The following CACNA2D1 variants were observed in gnomAD, a reference collection of about 807,000 sequenced individuals.
CACNA2D1 encodes the protein calcium voltage-gated channel auxiliary subunit alpha2delta 1.
A neutral mutation model predicts 171.5 loss-of-function variants in CACNA2D1; 53 were observed. The observed-to-expected ratio is 0.31, with a 90% CI of 0.25 to 0.39. CACNA2D1 has a LOEUF of 0.39. Ranked by LOEUF, CACNA2D1 falls within the 10% of genes least tolerant of loss-of-function variation. The probability of loss-of-function intolerance (pLI) is 1.00; values close to 1 mark genes in which losing one functional copy is unlikely to be tolerated. For missense variants in CACNA2D1, 903 were observed against 1,299.8 expected (o/e 0.69, Z 4.69); for synonymous variants, 442 against 443.1 (o/e 1.00, Z 0.03).
intron 2 of CACNA2D1, among the ~76,000 whole-genome samples, chr7:82,335,939 T>C (rs1817938118): frequency 6.6e-6 from 1 of 152,094 alleles, no homozygotes; most frequent in Non-Finnish European, 1.5e-5. Flanking sequence ...TATGGAAGGA[T>C]TTCCCCAGAG....
chr7:82,040,471 A>AAC (rs1491082108), intron 10 of CACNA2D1, among the ~76,000 whole-genome samples: 8 of 132,006 alleles, frequency 6.1e-5, no homozygotes, highest in African/African-American at 2.2e-4. Context: ...AAAAAAAAAA[A>AAC]CAGAAGGCTT....
intron 1 of CACNA2D1, among the ~76,000 whole-genome samples, chr7:82,406,914 A>G (rs998675216): frequency 4.6e-5 from 7 of 152,228 alleles, no homozygotes; most frequent in African/African-American, 1.7e-4. Context: ...CAAAAAATAA[A>G]TATTCAATAA....
intron 24 of CACNA2D1, among the ~76,000 whole-genome samples, chr7:81,981,934 C>G (rs1261976561): frequency 6.6e-6 from 1 of 152,076 alleles, no homozygotes; most frequent in Non-Finnish European, 1.5e-5. Flanking sequence ...TATGTTCATT[C>G]TACCCCTACG....
intron 1 of CACNA2D1, among the ~76,000 whole-genome samples, chr7:82,378,525 T>A (rs1823281638): frequency 6.6e-6 from 1 of 152,220 alleles, no homozygotes; most frequent in South Asian, 2.1e-4. Context: ...TATTTTGTTA[T>A]TGTTTTTTAA....
At chr7:82,112,158 T>C (rs1431321993) in intron 6 of CACNA2D1, among the ~76,000 whole-genome samples, 1 of 152,196 alleles carries the variant, frequency 6.6e-6, no homozygotes, top group Non-Finnish European at 1.5e-5. Flanking sequence ...CTAAGTAATC[T>C]ACCCTACACA....
intron 3 of CACNA2D1, among the ~76,000 whole-genome samples, chr7:82,190,871 A>G (rs1375308406): frequency 6.6e-6 from 1 of 151,744 alleles, no homozygotes; most frequent in African/African-American, 2.4e-5. Flanking sequence ...TGAAAAGTCA[A>G]CAGGAGCCAT....
At chr7:82,330,495 C>G (rs1817181735) in intron 3 of CACNA2D1, among the ~76,000 whole-genome samples, 1 of 151,960 alleles carries the variant, frequency 6.6e-6, no homozygotes, top group African/African-American at 2.4e-5. Context: ...AGAAAACAAC[C>G]AGCTACATTT....
At chr7:81,954,252 T>C (rs1792946139) in intron 38 of CACNA2D1, among the ~76,000 whole-genome samples, 1 of 152,012 alleles carries the variant, frequency 6.6e-6, no homozygotes, top group South Asian at 2.1e-4. Context: ...AAATAACAGA[T>C]TGGTACTTTC....
intron 5 of CACNA2D1, among the ~76,000 whole-genome samples, chr7:82,120,774 C>A (rs1030649207): frequency 4.0e-5 from 6 of 150,058 alleles, no homozygotes; most frequent in African/African-American, 1.5e-4. Context: ...ACTCGGGAGG[C>A]TGAGGCAGGA....
At chr7:82,188,106 G>T (rs991161010) in intron 3 of CACNA2D1, among the ~76,000 whole-genome samples, 2 of 152,110 alleles carry the variant, frequency 1.3e-5, no homozygotes, top group Non-Finnish European at 2.9e-5. Flanking sequence ...AATCACATTT[G>T]TGAAGGCTCT....
chr7:82,388,751 T>C (rs1453903748), intron 1 of CACNA2D1, among the ~76,000 whole-genome samples: 2 of 152,192 alleles, frequency 1.3e-5, no homozygotes, highest in Non-Finnish European at 2.9e-5. Context: ...TTAAGATCTC[T>C]CCTTAAGATT....
At chr7:82,060,161 ATATAAT>A in intron 10 of CACNA2D1, among the ~76,000 whole-genome samples, 1 of 35,126 alleles carries the variant, frequency 2.8e-5, no homozygotes, top group African/African-American at 9.6e-5. Flanking sequence ...TATTATATAT[ATATAAT>A]ATATATATAT....
chr7:82,318,150 T>C (rs1815342230), intron 3 of CACNA2D1, among the ~76,000 whole-genome samples: 1 of 152,196 alleles, frequency 6.6e-6, no homozygotes, highest in Admixed American at 6.5e-5. Context: ...ACCTATGCTT[T>C]AGAAGCTAGC....
chr7:82,106,243 T>C lies in CACNA2D1; in HGVS notation c.526+10801A>G, dbSNP rs193184038. 1.6e-4 allele frequency among the ~76,000 whole-genome samples: 25 copies of C among 152,306 alleles called. No homozygotes were observed. In the East Asian group the frequency reaches 2.9e-3, roughly 18 times the overall value. ...GTAAGATTTTATCCACGAAGTCAAA[T>C]GCCAAATGATTAAAAAATCCTCATC... On this transcript the variant is annotated intron_variant, in intron 6 of 38. Transcript: ENST00000356860.
chr7:82,138,493 C>T (rs1025131223), intron 4 of CACNA2D1, among the ~76,000 whole-genome samples: 4 of 138,230 alleles, frequency 2.9e-5, no homozygotes, highest in East Asian at 2.2e-4. Flanking sequence ...GTCGCCCAGG[C>T]TGGAGTGCAG....
At chr7:82,146,440 TTATA>T (rs1005044353) in intron 4 of CACNA2D1, among the ~76,000 whole-genome samples, 10 of 127,674 alleles carry the variant, frequency 7.8e-5, no homozygotes, top group African/African-American at 2.1e-4. Context: ...ATATTTATAT[TTATA>T]TATATAAAGA....
rs1298241387 is a variant in CACNA2D1, at chr7:82,266,278, G to A, written c.294+68857C>T. 8.5e-5 allele frequency among the ~76,000 whole-genome samples: 13 copies of A among 152,132 alleles called. No individual in the cohort carries two copies. The East Asian group carries it at 2.5e-3, about 29-fold the overall frequency. ...TGCAGGGTGCTATTTGTTATCAAGT[G>A]GACAGGCTACTTTGTAGGTCACTGC... On this transcript the variant is annotated intron_variant, in intron 3 of 38. Transcript: ENST00000356860.
At chr7:82,302,334 A>T (rs1267047304) in intron 3 of CACNA2D1, among the ~76,000 whole-genome samples, 2 of 152,018 alleles carry the variant, frequency 1.3e-5, no homozygotes, top group Non-Finnish European at 2.9e-5. Flanking sequence ...ATTAGACCAT[A>T]CTTTCACGGC....
chr7:82,302,531 C>A (rs1264206460), intron 3 of CACNA2D1, among the ~76,000 whole-genome samples: 1 of 151,802 alleles, frequency 6.6e-6, no homozygotes, highest in Non-Finnish European at 1.5e-5. Flanking sequence ...TCTCCTGCCT[C>A]AGCCTCCCCA....
Sources: gnomAD v4.1 joint callset for allele counts (sites outside exome capture counted in the v4.1 genomes callset) on GRCh38, gnomAD v4.1.1 for gene constraint, MANE v1.5 for transcripts, NCBI Gene and HGNC (gene_info 2026-07-23, HGNC 2026-07-21) for gene names.